The following TXNDC8 variants were observed in gnomAD, a reference collection of about 807,000 sequenced individuals.
TXNDC8 encodes the protein thioredoxin domain-containing protein 8.
Under a neutral mutation model 12.9 loss-of-function variants are expected in TXNDC8, and 15 were observed. The ratio of observed to expected loss-of-function variants is 1.16; its 90% CI spans 0.78 to 1.79. The LOEUF (loss-of-function observed/expected upper bound fraction) is 1.79. Ranked by LOEUF, TXNDC8 falls within the 40% of genes most tolerant of loss-of-function variation. The probability of loss-of-function intolerance (pLI) is 0.00; values close to 1 mark genes in which losing one functional copy is unlikely to be tolerated. For synonymous variants in TXNDC8, 40 were observed against 35.4 expected (o/e 1.13, Z -0.46); for missense variants, 128 against 113.2 (o/e 1.13, Z -0.59).
chr9:110,303,856 A>G, intron 4 of TXNDC8: 1 of 676,406 alleles, frequency 1.5e-6, no homozygotes, highest in Non-Finnish European at 2.4e-6. Flanking sequence ...ACGTATAATA[A>G]TCTCGGAAAT....
At chr9:110,329,137 A>T in intron 2 of TXNDC8, 95 bp downstream of exon 3, 2 of 1,041,466 alleles carry the variant, frequency 1.9e-6, no homozygotes, top group Non-Finnish European at 2.9e-6. Context: ...AGTTGATTTT[A>T]AATTGGTCAT....
At chr9:110,325,343 A>G (rs1442710714) in intron 3 of TXNDC8, among the ~76,000 whole-genome samples, 2 of 152,146 alleles carry the variant, frequency 1.3e-5, no homozygotes, top group Admixed American at 6.5e-5. Flanking sequence ...AAACTAAGAT[A>G]TAAACAGATT....
chr9:110,318,576 A>G (rs1838971513), intron 3 of TXNDC8, among the ~76,000 whole-genome samples: 1 of 152,132 alleles, frequency 6.6e-6, no homozygotes. Context: ...CTCTACTACA[A>G]AAATACAAAA....
At chr9:110,335,548 C>T (rs528907910) in intron 1 of TXNDC8, among the ~76,000 whole-genome samples, 5 of 152,334 alleles carry the variant, frequency 3.3e-5, no homozygotes, top group South Asian at 4.1e-4. Flanking sequence ...AACACTACAA[C>T]GTGTGTACTA....
chr9:110,325,145 A>G (rs1839258028), intron 3 of TXNDC8, among the ~76,000 whole-genome samples: 1 of 152,136 alleles, frequency 6.6e-6, no homozygotes, highest in Non-Finnish European at 1.5e-5. Context: ...AAAAGAACAA[A>G]GTACTAGTTT....
chr9:110,301,770 C>T (rs529317812), downstream of TXNDC8, among the ~76,000 whole-genome samples: 15 of 152,122 alleles, frequency 9.9e-5, no homozygotes, highest in Non-Finnish European at 1.9e-4. Context: ...CCCGAGTCCC[C>T]CATAGCTTTC....
chr9:110,323,753 T>A, intron 3 of TXNDC8: 1 of 1,280,696 alleles, frequency 7.8e-7, no homozygotes, highest in Non-Finnish European at 1.1e-6. Flanking sequence ...ACTCTTGGCT[T>A]GACTCTGTTT....
rs548884484 is a variant in TXNDC8 at position 110,329,557 on chromosome 9, A to G, written c.130-3317T>C. Among the ~76,000 whole-genome samples the G allele has an allele frequency of 3.3e-5, 5 of 152,336 alleles. No individual in the cohort carries two copies. The South Asian group carries it at 1.0e-3, about 32-fold the overall frequency. On this transcript the variant is annotated intron_variant, in intron 2 of 4. Transcript: ENST00000423740. ...TTAGAGTTTCAAGGTTGGCAAAGAC[A>G]TAACAGAATGTGCGTGGTGGATCCA...
chr9:110,326,515 T>C (rs542117584), intron 2 of TXNDC8, among the ~76,000 whole-genome samples: 4 of 152,286 alleles, frequency 2.6e-5, no homozygotes, highest in African/African-American at 9.6e-5. Context: ...CACAACAGAA[T>C]AGATGCTCAA....
At chr9:110,333,560 G>A (rs1420761358) in intron 2 of TXNDC8, among the ~76,000 whole-genome samples, 1 of 151,126 alleles carries the variant, frequency 6.6e-6, no homozygotes, top group Non-Finnish European at 1.5e-5. Flanking sequence ...TAGATTCCAT[G>A]TTAAGTGTTC....
intron 3 of TXNDC8, chr9:110,323,795 T>A: frequency 6.7e-7 from 1 of 1,497,806 alleles, no homozygotes; most frequent in Middle Eastern, 1.8e-4. Context: ...TTTCAGGTTT[T>A]ACATGGTGAC....
chr9:110,317,768 T>C (rs79818757), intron 3 of TXNDC8, among the ~76,000 whole-genome samples: 4,716 of 152,288 alleles, frequency 0.031, 230 homozygotes, highest in African/African-American at 0.11. Context: ...AAAGGTGATA[T>C]TGTGATTAGC....
chr9:110,308,378 A>T (rs1255295695), intron 3 of TXNDC8, among the ~76,000 whole-genome samples: 7 of 152,100 alleles, frequency 4.6e-5, no homozygotes, highest in Non-Finnish European at 1.0e-4. Context: ...CTAGGTAAGT[A>T]TCTGAATTTG....
chr9:110,333,478 T>C (rs1478293144), intron 2 of TXNDC8, among the ~76,000 whole-genome samples: 1 of 152,186 alleles, frequency 6.6e-6, no homozygotes, highest in Non-Finnish European at 1.5e-5. Flanking sequence ...TCAAAAAGGT[T>C]GGGGACCACT....
intron 3 of TXNDC8, among the ~76,000 whole-genome samples, chr9:110,325,213 C>T (rs2118829200): frequency 6.6e-6 from 1 of 152,010 alleles, no homozygotes; most frequent in East Asian, 1.9e-4. Flanking sequence ...AGATAACTAA[C>T]ATAACACAGT....
intron 3 of TXNDC8, among the ~76,000 whole-genome samples, chr9:110,314,385 T>C (rs921845815): frequency 1.2e-4 from 19 of 152,134 alleles, no homozygotes; most frequent in Middle Eastern, 3.4e-3. Flanking sequence ...GTCCTCAAAA[T>C]CGGCAAATTA....
intron 3 of TXNDC8, among the ~76,000 whole-genome samples, chr9:110,313,299 T>C (rs1838757631): frequency 1.3e-5 from 2 of 152,228 alleles, no homozygotes; most frequent in Admixed American, 1.3e-4. Context: ...CTGTGCTTTT[T>C]TAAAGCCCTG....
chr9:110,309,879 C>T (rs1838600080), intron 3 of TXNDC8, among the ~76,000 whole-genome samples: 1 of 150,486 alleles, frequency 6.6e-6, no homozygotes, highest in Admixed American at 6.6e-5. Context: ...AACCAATAAT[C>T]TAAGTTCCTT....
intron 1 of TXNDC8, among the ~76,000 whole-genome samples, chr9:110,336,129 T>C (rs1839749519): frequency 6.6e-6 from 1 of 152,246 alleles, no homozygotes; most frequent in Non-Finnish European, 1.5e-5. Flanking sequence ...ACCATGATTG[T>C]GAGGTCTTCC....
Sources: gnomAD v4.1 joint callset for allele counts (sites outside exome capture counted in the v4.1 genomes callset) on GRCh38, gnomAD v4.1.1 for gene constraint, MANE v1.5 for transcripts, NCBI Gene and HGNC (gene_info 2026-07-23, HGNC 2026-07-21) for gene names.